POC1B: variants seen among roughly 807,000 people sequenced by gnomAD.
POC1B encodes POC1 centriolar protein homolog B.
Under a neutral mutation model 60.6 loss-of-function variants are expected in POC1B, and 44 were observed. The ratio of observed to expected loss-of-function variants is 0.73; its 90% confidence interval spans 0.57 to 0.93. POC1B has a LOEUF of 0.93. Ranked by LOEUF, POC1B falls within the 40% of genes least tolerant of loss-of-function variation. The pLI, the probability that POC1B is intolerant of heterozygous loss-of-function variation, is 0.00. For synonymous variants in POC1B, 180 were observed against 198.9 expected, an observed-to-expected ratio of 0.90 and a Z score of 0.80; for missense variants, 555 against 572.3, an observed-to-expected ratio of 0.97 and a Z score of 0.31.
chr12:89,524,508 C>A, intron 2 of POC1B: 1 of 1,612,370 alleles, frequency 6.2e-7, no homozygotes, highest in Non-Finnish European at 8.5e-7. Flanking sequence ...AAAACGCCAG[C>A]AGCAGGCAGC....
chr12:89,440,733 C>T (rs1291882373), intron 10 of POC1B, among the ~76,000 whole-genome samples: 1 of 152,204 alleles, frequency 6.6e-6, no homozygotes, highest in African/African-American at 2.4e-5. Context: ...GACTTCTGCA[C>T]TTCCAACTGA....
intron 2 of POC1B, chr12:89,521,024 G>A (rs1187647422): frequency 1.3e-5 from 2 of 151,160 alleles, no homozygotes; most frequent in African/African-American, 2.4e-5. Flanking sequence ...TTATCAAAAC[G>A]AAACGACTAT....
At position 89,482,797 on chromosome 12, in the gene POC1B, G is replaced by C. The variant is rs546138908; in HGVS notation, c.452+9139C>G. Among the ~76,000 whole-genome samples, 16 of 152,242 alleles carry C rather than the reference G, an allele frequency of 1.1e-4. 1 individual carries two copies. The South Asian group carries it at 3.1e-3, about 30-fold the overall frequency. On this transcript the variant is annotated intron_variant, in intron 4 of 11. Transcript: ENST00000313546. ...CAGATTTGGTGTCTAAGGAGGGCCTGTGATACAATTTGGCTGTGTACCCAC... is the reference window on the plus strand; with the variant it reads ...CAGATTTGGTGTCTAAGGAGGGCCTCTGATACAATTTGGCTGTGTACCCAC...
intron 4 of POC1B, among the ~76,000 whole-genome samples, chr12:89,488,467 T>C (rs1868766203): frequency 6.6e-6 from 1 of 152,168 alleles, no homozygotes; most frequent in South Asian, 2.1e-4. Context: ...GCTATTATTA[T>C]TATACAGCTA....
At chr12:89,457,949 A>G (rs771205772) in intron 10 of POC1B, among the ~76,000 whole-genome samples, 6 of 152,184 alleles carry the variant, frequency 3.9e-5, no homozygotes, top group Non-Finnish European at 8.8e-5. Context: ...GATATGTACA[A>G]TCTATACTAC....
rs1880454684 is a variant in POC1B at position 89,419,766 on chromosome 12, T to G, written c.*1387A>C. On this transcript the variant is annotated 3_prime_UTR_variant, in exon 12 of 12. Coordinates refer to ENST00000313546, the MANE Select transcript of POC1B (RefSeq NM_172240.3). ...CTTTATTGTTTGAAGCATGACAAAA[T>G]AAAATTGATAGGACATTTCATTTCT... is the stretch of plus-strand genomic sequence containing the variant. The G allele has an allele frequency of 6.6e-6, 1 of 152,188 alleles. No individual in the cohort carries two copies. The highest frequency in any genetic ancestry group is 2.4e-5 in the African/African-American group (1 of 41,450). The allele number at this position is 152,188 out of a possible 1,614,324, so 9.4% of individuals were successfully genotyped here.
In POC1B at chr12:89,448,172, G is replaced by T. The variant is rs922095057; in HGVS notation, c.1113+11466C>A. 2.0e-5 allele frequency among the ~76,000 whole-genome samples: 3 copies of T among 152,078 alleles called. No individual in the cohort carries two copies. The East Asian group carries it at 5.8e-4, about 29-fold the overall frequency. ...AATAAAAGTCAGGATGGGCATGGTG[G>T]TTCATGCCTGTAATCTCAGTCCTTT... On this transcript the variant is annotated intron_variant, in intron 10 of 11. Transcript: ENST00000313546.
At chr12:89,505,843 G>C (rs982522422) in intron 2 of POC1B, among the ~76,000 whole-genome samples, 5 of 152,204 alleles carry the variant, frequency 3.3e-5, no homozygotes, top group Admixed American at 6.5e-5. Flanking sequence ...GCAGTCAGGA[G>C]AAAGCAGTGG....
intron 10 of POC1B, among the ~76,000 whole-genome samples, chr12:89,431,456 C>T (rs144411875): frequency 0.039 from 5,950 of 151,940 alleles, 160 homozygotes; most frequent in Non-Finnish European, 0.051. Context: ...CACACACACA[C>T]GCACATGCAC....
At chr12:89,525,249 G>C (rs1273695210) in intron 1 of POC1B, 45 bp from the exon 2 acceptor site, 1 of 1,574,734 alleles carries the variant, frequency 6.4e-7, no homozygotes, top group Non-Finnish European at 8.6e-7. Context: ...CGCAGACCTC[G>C]AATTCTGGCG....
chr12:89,438,424 G>A (rs547926905), intron 10 of POC1B, among the ~76,000 whole-genome samples: 12 of 152,320 alleles, frequency 7.9e-5, no homozygotes, highest in African/African-American at 2.4e-4. Context: ...GCCACTGCAC[G>A]CCCGCCTGGG....
intron 10 of POC1B, among the ~76,000 whole-genome samples, chr12:89,454,433 C>T (rs566098356): frequency 6.6e-6 from 1 of 152,332 alleles, no homozygotes; most frequent in East Asian, 1.9e-4. Flanking sequence ...CCCCCATCAA[C>T]ATCCCCAGCC....
At chr12:89,510,763 C>CTTTTTTTTTTTTTTTTTTTTTTTTTTTT (rs56654469) in intron 2 of POC1B, among the ~76,000 whole-genome samples, 1 of 139,088 alleles carries the variant, frequency 7.2e-6, no homozygotes, top group African/African-American at 2.7e-5. Flanking sequence ...TGTTTTTATT[C>CTTTTTTTTTTTTTTTTTTTTTTTTTTTT]TTTTTTTTTT....
intron 4 of POC1B, among the ~76,000 whole-genome samples, chr12:89,473,839 G>A (rs557042574): frequency 1.1e-3 from 162 of 152,130 alleles, no homozygotes; most frequent in Non-Finnish European, 1.8e-3. Context: ...CCAAACAGAG[G>A]AAGCTTATTA....
chr12:89,458,709 G>A (rs1882357109), intron 10 of POC1B, among the ~76,000 whole-genome samples: 1 of 152,090 alleles, frequency 6.6e-6, no homozygotes, highest in Admixed American at 6.6e-5. Context: ...TAATGTCAGG[G>A]TTTTATTTTG....
intron 2 of POC1B, among the ~76,000 whole-genome samples, chr12:89,498,545 A>C (rs1592629191): frequency 6.6e-6 from 1 of 152,342 alleles, no homozygotes; most frequent in African/African-American, 2.4e-5. Flanking sequence ...ACTGAAACCT[A>C]TGTTCTTTTG....
chr12:89,512,787 T>C (rs143173294), intron 2 of POC1B, among the ~76,000 whole-genome samples: 3 of 152,294 alleles, frequency 2.0e-5, no homozygotes, highest in African/African-American at 7.2e-5. Context: ...GGCAGATAAA[T>C]ATCATTATCT....
chr12:89,412,317 C>A, the POC1B span, among the ~76,000 whole-genome samples: 3 of 151,578 alleles, frequency 2.0e-5, no homozygotes, highest in African/African-American at 7.3e-5. Context: ...CAAAGTGATC[C>A]GTGCTGGCAT....
At chr12:89,510,804 C>A (rs1232743671) in intron 2 of POC1B, among the ~76,000 whole-genome samples, 1 of 146,472 alleles carries the variant, frequency 6.8e-6, no homozygotes, top group Non-Finnish European at 1.5e-5. Context: ...GTCGCCCAGG[C>A]TAGAATACAG....
Sources: allele counts gnomAD v4.1 joint callset (sites outside exome capture counted in the v4.1 genomes callset), GRCh38; gene constraint gnomAD v4.1.1; transcripts MANE v1.5; gene names NCBI Gene and HGNC (gene_info 2026-07-23, HGNC 2026-07-21).